THSD7B: variants seen among roughly 807,000 people sequenced by gnomAD.
THSD7B encodes thrombospondin type-1 domain-containing protein 7B.
A neutral mutation model predicts 213.6 loss-of-function variants in THSD7B; 138 were observed. That is an observed-to-expected ratio of 0.65 (90% CI 0.56 to 0.74). The LOEUF (loss-of-function observed/expected upper bound fraction) is 0.74, where lower values mean the gene tolerates loss of function less well. Ranked by LOEUF, THSD7B falls within the 30% of genes least tolerant of loss-of-function variation. The probability of loss-of-function intolerance (pLI) is 0.00; values close to 1 mark genes in which losing one functional copy is unlikely to be tolerated. For missense variants in THSD7B, 1,931 were observed against 1,991.5 expected, an observed-to-expected ratio of 0.97 and a Z score of 0.58; for synonymous variants, 742 against 687.0, an observed-to-expected ratio of 1.08 and a Z score of -1.25.
chr2:137,010,562 G>T (rs183707946), intron 2 of THSD7B, among the ~76,000 whole-genome samples: 1 of 152,270 alleles, frequency 6.6e-6, no homozygotes, highest in East Asian at 1.9e-4. Flanking sequence ...TGGCCTGTAA[G>T]GTGTGTAAGG....
At chr2:137,413,723 C>T (rs1305978341) in intron 14 of THSD7B, among the ~76,000 whole-genome samples, 1 of 152,144 alleles carries the variant, frequency 6.6e-6, no homozygotes, top group Non-Finnish European at 1.5e-5. Context: ...TCTTGTGAGA[C>T]AAGCCAAGGA....
chr2:137,612,722 A>G (rs1034538738), intron 17 of THSD7B, among the ~76,000 whole-genome samples: 1 of 152,120 alleles, frequency 6.6e-6, no homozygotes, highest in African/African-American at 2.4e-5. Context: ...TTAACACACT[A>G]TAGAAAACAA....
chr2:136,900,846 T>C lies in THSD7B; in HGVS notation c.139+18529T>C, dbSNP rs570731181. ...TAAGGGTGCACAGCTGATTTTAGCATGGAGCTTGAAGTCAATGAGTTTTGC... is the reference window on the plus strand; with the variant it reads ...TAAGGGTGCACAGCTGATTTTAGCACGGAGCTTGAAGTCAATGAGTTTTGC... On this transcript the variant is annotated intron_variant, in intron 2 of 27. Coordinates refer to ENST00000409968, the MANE Select transcript of THSD7B (RefSeq NM_001316349.2). Among the ~76,000 whole-genome samples the C allele has an allele frequency of 2.6e-5, 4 of 152,338 alleles. 1 individual carries two copies. The South Asian group carries it at 8.3e-4, about 32-fold the overall frequency.
At chr2:137,624,748 A>T (rs1682591055) in intron 20 of THSD7B, among the ~76,000 whole-genome samples, 1 of 152,238 alleles carries the variant, frequency 6.6e-6, no homozygotes. Context: ...TGGTCATCAG[A>T]GAAATGCAAA....
chr2:137,574,247 T>G (rs145699832), intron 17 of THSD7B, among the ~76,000 whole-genome samples: 1 of 152,236 alleles, frequency 6.6e-6, no homozygotes, highest in East Asian at 1.9e-4. Flanking sequence ...AGGTTTAGCA[T>G]TCTGTGTTTG....
chr2:137,263,412 G>T (rs1189766408), intron 10 of THSD7B, among the ~76,000 whole-genome samples: 1 of 152,112 alleles, frequency 6.6e-6, no homozygotes, highest in Non-Finnish European at 1.5e-5. Context: ...AGTTCTGAAA[G>T]GTTAAGTGCC....
chr2:136,836,994 A>G (rs767494663), intron 1 of THSD7B, among the ~76,000 whole-genome samples: 6 of 152,146 alleles, frequency 3.9e-5, no homozygotes, highest in Non-Finnish European at 7.4e-5. Context: ...AAGTCCTGTC[A>G]GCTATACTTT....
At chr2:137,089,820 C>T (rs142551457) in intron 3 of THSD7B, among the ~76,000 whole-genome samples, 1 of 151,970 alleles carries the variant, frequency 6.6e-6, no homozygotes, top group Non-Finnish European at 1.5e-5. Flanking sequence ...ACCAGCCTGG[C>T]CAACAGGGTG....
intron 2 of THSD7B, among the ~76,000 whole-genome samples, chr2:136,886,053 G>C (rs1266210103): frequency 2.0e-5 from 3 of 152,176 alleles, no homozygotes; most frequent in African/African-American, 7.2e-5. Context: ...GAAGGACAAA[G>C]GACCTTAGGC....
chr2:136,946,295 T>G (rs1173962023), intron 2 of THSD7B, among the ~76,000 whole-genome samples: 1 of 152,180 alleles, frequency 6.6e-6, no homozygotes, highest in African/African-American at 2.4e-5. Flanking sequence ...CAGTGGAGGC[T>G]GCAGAACTGG....
intron 1 of THSD7B, among the ~76,000 whole-genome samples, chr2:136,860,111 G>A (rs574225316): frequency 1.4e-4 from 20 of 141,344 alleles, no homozygotes; most frequent in African/African-American, 5.3e-4. Flanking sequence ...TCTGCCTCCC[G>A]GGTTCACGCC....
chr2:137,448,924 A>G (rs1687596183), intron 14 of THSD7B, among the ~76,000 whole-genome samples: 1 of 152,188 alleles, frequency 6.6e-6, no homozygotes, highest in African/African-American at 2.4e-5. Context: ...TAGATTTTAC[A>G]GACAAGGTTG....
chr2:137,447,488 C>G (rs891157777), intron 14 of THSD7B, among the ~76,000 whole-genome samples: 7 of 152,126 alleles, frequency 4.6e-5, no homozygotes, highest in Non-Finnish European at 7.4e-5. Flanking sequence ...CTCAGTTTCT[C>G]TATAAAATGA....
At chr2:137,406,620 G>C (rs1573607303) in intron 13 of THSD7B, among the ~76,000 whole-genome samples, 1 of 152,128 alleles carries the variant, frequency 6.6e-6, no homozygotes, top group South Asian at 2.1e-4. Context: ...TAATTCTGTT[G>C]GTTTCAAGAC....
At chr2:137,318,594 T>C (rs1277979828) in intron 12 of THSD7B, among the ~76,000 whole-genome samples, 1 of 151,936 alleles carries the variant, frequency 6.6e-6, no homozygotes, top group African/African-American at 2.4e-5. Context: ...GCAACAATAA[T>C]ATTGGAAAAC....
intron 14 of THSD7B, among the ~76,000 whole-genome samples, chr2:137,424,925 A>C (rs1252541537): frequency 6.6e-6 from 1 of 151,842 alleles, no homozygotes; most frequent in East Asian, 1.9e-4. Flanking sequence ...CAAAAAAATT[A>C]GCTGGGCATG....
intron 15 of THSD7B, among the ~76,000 whole-genome samples, chr2:137,503,067 A>T (rs1316371972): frequency 2.6e-5 from 4 of 152,200 alleles, no homozygotes; most frequent in Non-Finnish European, 4.4e-5. Flanking sequence ...CAAAATATGC[A>T]TTCTATCATT....
chr2:137,057,024 G>T lies in THSD7B; in HGVS notation c.744G>T (p.Trp248Cys). 6.2e-7 allele frequency: 1 copy of T among 1,613,952 alleles called. No homozygotes were observed. Among genetic ancestry groups the T allele is most frequent in the Non-Finnish European group, 8.5e-7 (1 of 1,179,902 alleles). The change falls in exon 3 of 28, where the codon TGG becomes TGT. Residue 248 changes from tryptophan to cysteine, a missense_variant. Physicochemically the swap from Trp to Cys is radical, Grantham distance 215 (BLOSUM62 -2). Transcript: ENST00000409968. Reference sequence around the variant, plus strand: ...CATTTAGCCTTAAGGTTGGACCATGGAGTAAATGCAGACTGCCTCATCTTA... The same window carrying T: ...CATTTAGCCTTAAGGTTGGACCATGTAGTAAATGCAGACTGCCTCATCTTA... ...EYTFSLKVGP[W>C]SKCRLPHLKE...
rs7608919 is a variant in THSD7B at position 136,833,385 on chromosome 2, A to G, written c.-35-48759A>G. On this transcript the variant is annotated intron_variant, in intron 1 of 27. Transcript: ENST00000409968. ...TCTCAAAAAAAAAAAAAAAAAAAAA[A>G]AGAGAGAGAGAGAGGGCAATTATAT... is the stretch of plus-strand genomic sequence containing the variant. Among the ~76,000 whole-genome samples the G allele has an allele frequency of 6.8e-3, 922 of 136,104 alleles. 6 individuals carry two copies. Among genetic ancestry groups the G allele is most frequent in the African/African-American group, 0.026 (871 of 32,982 alleles). 89.3% of individuals were successfully genotyped at this position (136,104 alleles called of 152,430 possible). A position where few individuals can be genotyped will look rare whatever the true frequency, so the allele number is the denominator to read the frequency against.
Sources: gnomAD v4.1 joint callset for allele counts (sites outside exome capture counted in the v4.1 genomes callset) on GRCh38, gnomAD v4.1.1 for gene constraint, MANE v1.5 for transcripts, NCBI Gene and HGNC (gene_info 2026-07-23, HGNC 2026-07-21) for gene names.